Variants in CPAMD8 observed in about 807,000 individuals in gnomAD.
The protein encoded by CPAMD8 is C3 and PZP like alpha-2-macroglobulin domain containing 8.
In CPAMD8, 146 loss-of-function variants were observed where a neutral mutation model predicts 224.7. The ratio of observed to expected loss-of-function variants is 0.65; its 90% CI spans 0.57 to 0.75. The LOEUF (loss-of-function observed/expected upper bound fraction) is 0.75, where lower values mean the gene tolerates loss of function less well. Ranked by LOEUF, CPAMD8 falls within the 30% of genes least tolerant of loss-of-function variation. The pLI is 0.00. For missense variants in CPAMD8, 2,301 were observed against 2,537.5 expected (o/e 0.91, Z 2.00); for synonymous variants, 966 against 1,044.6 (o/e 0.92, Z 1.45).
intron 18 of CPAMD8, among the ~76,000 whole-genome samples, chr19:16,962,796 G>A (rs1010447004): frequency 1.4e-5 from 2 of 147,298 alleles, no homozygotes; most frequent in African/African-American, 4.9e-5. Flanking sequence ...CAGAGAGAAA[G>A]GTCGGGTTAA....
chr19:16,914,750 C>A lies in CPAMD8; in HGVS notation c.3693G>T (p.Arg1231=). 1 of 1,614,086 alleles carries A rather than the reference C, an allele frequency of 6.2e-7. No homozygotes were observed. The highest frequency in any genetic ancestry group is 8.5e-7 in the Non-Finnish European group (1 of 1,180,006). Residue 1231 remains arginine, a synonymous_variant, in exon 28 of 42, where the codon CGG becomes CGT. Coordinates refer to ENST00000443236, the MANE Select transcript of CPAMD8 (RefSeq NM_015692.5). ...TCCAGCTCTTGGCGGCAGCCAGCTC[C>A]CGGGGGTCCACGAAGATAAAGCTGC... is the stretch of plus-strand genomic sequence containing the variant. ...QARSFIFVDP[R]ELAAAKSWII...
At chr19:16,947,297 C>T in intron 20 of CPAMD8, 70 bp from the exon 21 acceptor site, 1 of 1,528,902 alleles carries the variant, frequency 6.5e-7, no homozygotes, top group Non-Finnish European at 8.9e-7. Flanking sequence ...AGGCCCAACA[C>T]ACATCCCACC....
intron 10 of CPAMD8, 165 bp downstream of exon 10, chr19:17,000,249 T>G: frequency 2.0e-6 from 1 of 508,798 alleles, no homozygotes; most frequent in Non-Finnish European, 3.5e-6. Flanking sequence ...AGCCCAGGAG[T>G]TCAAGACAAG....
At position 17,020,345 on chromosome 19, in the gene CPAMD8, T is replaced by C; in HGVS notation, c.253A>G (p.Thr85Ala). ...CAACGGCTTACCTTGAGTTTGATTG[T>C]CCCTTTATCTAAAAATGAAAATAAA... Reference protein sequence around the residue: ...QSQGAILDKGTIKLKVPTGLR... With the variant: ...QSQGAILDKGAIKLKVPTGLR... The change falls in exon 3 of 42, where the codon ACA (threonine) becomes GCA (alanine). Residue 85 changes from threonine (T) to alanine (A), a missense_variant. Coordinates refer to ENST00000443236, the MANE Select transcript of CPAMD8 (RefSeq NM_015692.5). 1 of 1,585,356 alleles carries C rather than the reference T, an allele frequency of 6.3e-7. No individual in the cohort carries two copies. Among genetic ancestry groups the C allele is most frequent in the South Asian group, 1.1e-5 (1 of 90,286 alleles).
chr19:17,008,082 G>A (rs537374847), intron 7 of CPAMD8, among the ~76,000 whole-genome samples: 68 of 152,260 alleles, frequency 4.5e-4, no homozygotes, highest in African/African-American at 1.6e-3. Flanking sequence ...GGCAGGAGAC[G>A]CTCTTGAACC....
chr19:16,938,310 C>T (rs976323593), intron 23 of CPAMD8, 85 bp downstream of exon 23: 50 of 665,758 alleles, frequency 7.5e-5, no homozygotes, highest in Non-Finnish European at 9.3e-5. Flanking sequence ...GCGGGACAGC[C>T]CCCACAGTGT....
intron 18 of CPAMD8, among the ~76,000 whole-genome samples, chr19:16,967,495 A>C (rs2054868351): frequency 6.6e-6 from 1 of 152,124 alleles, no homozygotes; most frequent in African/African-American, 2.4e-5. Flanking sequence ...TTTTTAAAAA[A>C]AGAAAATACA....
At chr19:16,901,154 G>T in intron 36 of CPAMD8, 56 bp downstream of exon 36, 2 of 1,291,138 alleles carry the variant, frequency 1.5e-6, no homozygotes, top group Non-Finnish European at 2.2e-6. Context: ...GGGTGCCTAA[G>T]CCCTACCTAT....
chr19:16,930,160 T>C (rs11881866), intron 23 of CPAMD8, among the ~76,000 whole-genome samples: 12,730 of 151,000 alleles, frequency 0.084, 1,582 homozygotes, highest in African/African-American at 0.27. Flanking sequence ...GAGGCTGAGG[T>C]GGGAGAATCA....
At chr19:17,010,277 G>C (rs957334406) in intron 5 of CPAMD8, among the ~76,000 whole-genome samples, 13 of 151,444 alleles carry the variant, frequency 8.6e-5, no homozygotes, top group African/African-American at 2.9e-4. Flanking sequence ...TTTGCTGCCC[G>C]GGCTGGAGTT....
In CPAMD8 at chr19:16,976,082, T is replaced by C. The variant is rs775977958; in HGVS notation, c.1828A>G (p.Arg610Gly). The change falls in exon 16 of 42, where the codon AGG (arginine) becomes GGG (glycine). Residue 610 changes from arginine (R) to glycine (G), a missense_variant. Physicochemically the swap from Arg to Gly is moderately radical, Grantham distance 125 (BLOSUM62 -2). Around this residue, in one of 4 missense-constraint regions of CPAMD8, gnomAD observed 1,709 missense variants for 1,753.2 expected, o/e 0.97. Coordinates refer to ENST00000443236, the MANE Select transcript of CPAMD8 (RefSeq NM_015692.5). ...GCGGCGACGCACACACAGCTGCCCC[T>C]TGCAGCCCTGATCCGCAGGTCGACA... is the stretch of plus-strand genomic sequence containing the variant. ...EVVDLRIRAARGSCVCVAAVD... is the reference protein window; with the variant it reads ...EVVDLRIRAAGGSCVCVAAVD... 7.4e-6 allele frequency: 12 copies of C among 1,612,624 alleles called. No individual in the cohort carries two copies. The highest frequency in any genetic ancestry group is 1.0e-5 in the Non-Finnish European group (12 of 1,179,062).
intron 5 of CPAMD8, among the ~76,000 whole-genome samples, chr19:17,010,898 C>A (rs1367659165): frequency 2.0e-5 from 3 of 151,954 alleles, no homozygotes; most frequent in Admixed American, 6.6e-5. Flanking sequence ...TGGCACACAC[C>A]TGTAATCCCA....
chr19:16,904,176 A>ACCCCCCCCCCCCCCCCCCCCCCCCCCCC, intron 32 of CPAMD8, 50 bp downstream of exon 32: 2 of 937,340 alleles, frequency 2.1e-6, no homozygotes, highest in African/African-American at 1.6e-5. Context: ...GACTGCAGGG[A>ACCCCCCCCCCCCCCCCCCCCCCCCCCCC]CCCCACCCAC....
intron 41 of CPAMD8, chr19:16,894,491 A>T (rs1045223901): frequency 1.5e-4 from 69 of 456,124 alleles, no homozygotes; most frequent in Non-Finnish European, 2.2e-4. Context: ...TCGGGATGGG[A>T]CCCCACACCC....
chr19:17,022,207 A>G (rs761543011), intron 1 of CPAMD8, 26 bp from the exon 2 acceptor site: 1 of 1,603,392 alleles, frequency 6.2e-7, no homozygotes, highest in South Asian at 1.1e-5. Flanking sequence ...TCCGAGGTGA[A>G]GTTCTCACCC....
intron 29 of CPAMD8, 35 bp from the exon 30 acceptor site, chr19:16,907,152 G>A (rs761173472): frequency 1.2e-5 from 18 of 1,504,574 alleles, no homozygotes; most frequent in Admixed American, 1.1e-4. Flanking sequence ...AACCTGGGAG[G>A]CTGCTCTGCC....
chr19:16,918,353 A>G (rs1360867778), intron 27 of CPAMD8, among the ~76,000 whole-genome samples: 1 of 151,858 alleles, frequency 6.6e-6, no homozygotes, highest in East Asian at 1.9e-4. Flanking sequence ...CAATGCCCAC[A>G]TGTCACTTCA....
At position 16,965,083 on chromosome 19, in the gene CPAMD8, AC is replaced by A. The variant is rs564220412; in HGVS notation, c.2213+5807del. On this transcript the variant is annotated intron_variant, in intron 18 of 41. Transcript: ENST00000443236. ...AGACCATCCTGGCTAACACGGTGAT[AC>A]CCTGTCTCTACTAAAAATACAAAAA... is the stretch of plus-strand genomic sequence containing the variant. Among the ~76,000 whole-genome samples the A allele has an allele frequency of 8.5e-5, 13 of 152,216 alleles. No individual in the cohort carries two copies. The East Asian group carries it at 2.3e-3, about 27-fold the overall frequency.
intron 9 of CPAMD8, 140 bp downstream of exon 9, chr19:17,002,126 A>T: frequency 1.6e-6 from 1 of 610,222 alleles, no homozygotes. Flanking sequence ...CCCAGGGAGG[A>T]GGGAACCAGG....
Sources: allele counts gnomAD v4.1 joint callset (sites outside exome capture counted in the v4.1 genomes callset), GRCh38; gene constraint gnomAD v4.1.1; regional missense constraint gnomAD v4.1.1; transcripts MANE v1.5; gene names NCBI Gene and HGNC (gene_info 2026-07-23, HGNC 2026-07-21).